The following INTS14 variants were observed in gnomAD, a reference collection of about 807,000 sequenced individuals.
INTS14 encodes the protein UPF0464 protein C15orf44.
INTS14 carries 27 observed loss-of-function variants against 56.9 expected under a neutral mutation model. The ratio of observed to expected loss-of-function variants is 0.47; its 90% CI spans 0.35 to 0.65. The LOEUF (loss-of-function observed/expected upper bound fraction) is 0.65, where lower values mean the gene tolerates loss of function less well. Among genes scored for constraint, INTS14 ranks in the 30% least tolerant of loss-of-function variants. INTS14 has a pLI of 0.00. For missense variants in INTS14, 517 were observed against 632.2 expected (o/e 0.82, Z 1.95); for synonymous variants, 207 against 236.2 (o/e 0.88, Z 1.13).
rs112520344 is a variant in INTS14, at chr15:65,592,255, T to A, written c.987-524A>T. Among the ~76,000 whole-genome samples the A allele has an allele frequency of 7.5e-4, 114 of 152,354 alleles. 3 individuals carry two copies. The East Asian group carries it at 0.02, about 27-fold the overall frequency. ...TATAGCAGACTAATATCTAGTAAGATCTGCATTCCTCTTTTTGGACCAGCT... is the reference window on the plus strand; with the variant it reads ...TATAGCAGACTAATATCTAGTAAGAACTGCATTCCTCTTTTTGGACCAGCT... On this transcript the variant is annotated intron_variant, in intron 8 of 11. Transcript: ENST00000313182.
chr15:65,585,323 C>T (rs571728691), intron 9 of INTS14, among the ~76,000 whole-genome samples: 1 of 152,158 alleles, frequency 6.6e-6, no homozygotes, highest in African/African-American at 2.4e-5. Context: ...AACTACTAAG[C>T]ACTTGCCCTG....
Position 65,579,337 on chromosome 15 carries a change from T to TG in INTS14, c.*70_*71insC. 1 of 1,562,726 alleles carries TG rather than the reference T, an allele frequency of 6.4e-7. No homozygotes were observed. The highest frequency in any genetic ancestry group is 8.7e-7 in the Non-Finnish European group (1 of 1,151,578). ...TGGGTGGCTATTCTAGAGGTGAACA[T>TG]ACTGGAAAGGTTTTTACCTAAAGCA... On this transcript the variant is annotated 3_prime_UTR_variant, in exon 12 of 12. Coordinates refer to ENST00000313182, the MANE Select transcript of INTS14 (RefSeq NM_001394796.1).
chr15:65,581,004 C>A (rs2141242462), intron 11 of INTS14, among the ~76,000 whole-genome samples: 1 of 152,318 alleles, frequency 6.6e-6, no homozygotes, highest in Non-Finnish European at 1.5e-5. Context: ...CGCTTGTAAT[C>A]CCAGCACTTT....
At chr15:65,586,142 C>G (rs923627175) in intron 9 of INTS14, among the ~76,000 whole-genome samples, 1 of 152,130 alleles carries the variant, frequency 6.6e-6, no homozygotes, top group Non-Finnish European at 1.5e-5. Context: ...AAGCACTGTG[C>G]CAGGAATTGT....
At chr15:65,584,741 G>T in intron 10 of INTS14, 29 bp downstream of exon 10, 2 of 1,599,654 alleles carry the variant, frequency 1.3e-6, no homozygotes, top group South Asian at 1.1e-5. Context: ...CCTGTCCCCA[G>T]TGGAAAGCAA....
At chr15:65,605,069 C>T (rs930180902) in intron 3 of INTS14, 60 bp downstream of exon 3, 15 of 1,264,710 alleles carry the variant, frequency 1.2e-5, no homozygotes, top group African/African-American at 2.9e-5. Context: ...TGAAGAAAAT[C>T]GAAGCACCTC....
chr15:65,585,985 G>T (rs1015350411), intron 9 of INTS14, among the ~76,000 whole-genome samples: 1 of 152,116 alleles, frequency 6.6e-6, no homozygotes, highest in African/African-American at 2.4e-5. Context: ...CTAAGGTCCT[G>T]CAAGTCCTTT....
intron 1 of INTS14, 62 bp downstream of exon 1, chr15:65,611,036 C>T: frequency 6.5e-7 from 1 of 1,535,140 alleles, no homozygotes; most frequent in Non-Finnish European, 8.7e-7. Context: ...CCCATAACCC[C>T]TTCACCTGTA....
chr15:65,588,543 C>T (rs1215407122), intron 9 of INTS14, among the ~76,000 whole-genome samples: 1 of 151,846 alleles, frequency 6.6e-6, no homozygotes, highest in Non-Finnish European at 1.5e-5. Context: ...TGGCTTGTGC[C>T]TGTAGTCACA....
chr15:65,606,400 GCTT>G (rs1386608523), intron 2 of INTS14, among the ~76,000 whole-genome samples: 14 of 151,698 alleles, frequency 9.2e-5, no homozygotes, highest in Admixed American at 3.3e-4. Context: ...TTCCACAAAT[GCTT>G]CTTCTTTTTT....
chr15:65,603,976 A>G (rs1596265436), intron 3 of INTS14, among the ~76,000 whole-genome samples: 1 of 152,346 alleles, frequency 6.6e-6, no homozygotes, highest in South Asian at 2.1e-4. Context: ...CTACTTTTCA[A>G]AAGTATCTGT....
Position 65,579,473 on chromosome 15 carries a change from C to T in INTS14, c.1492G>A (p.Ala498Thr), listed in dbSNP as rs141034504. The change falls in exon 12 of 12, where the codon GCT becomes ACT. Residue 498 changes from alanine (A) to threonine (T), a missense_variant. By Grantham distance (58) the Ala-to-Thr change is moderately conservative (BLOSUM62 0). Coordinates refer to ENST00000313182, the MANE Select transcript of INTS14 (RefSeq NM_001394796.1). The stretch of plus-strand genomic sequence containing the variant: ...AAAGGTGTGATGTTCTGGTCATAAG[C>T]GGCATACTCAGAGGTGCCGGTACTG... Reference protein sequence around the residue: ...LASTGTSEYAAYDQNITPLHT... With the variant: ...LASTGTSEYATYDQNITPLHT... The T allele has an allele frequency of 1.1e-4, 177 of 1,614,220 alleles. No homozygotes were observed. In the African/African-American group the frequency reaches 1.2e-3, roughly 11 times the overall value.
chr15:65,596,032 T>C (rs1253156132), intron 6 of INTS14, among the ~76,000 whole-genome samples: 1 of 152,160 alleles, frequency 6.6e-6, no homozygotes, highest in Non-Finnish European at 1.5e-5. Flanking sequence ...ATTTAATGAG[T>C]CTAAGTTATA....
At chr15:65,610,813 A>G in intron 1 of INTS14, 2 of 1,535,214 alleles carry the variant, frequency 1.3e-6, no homozygotes, top group South Asian at 2.4e-5. Flanking sequence ...ATCAGTCAAG[A>G]AAATGTGGGA....
intron 11 of INTS14, among the ~76,000 whole-genome samples, chr15:65,581,559 A>G (rs1165943450): frequency 2.7e-5 from 4 of 149,670 alleles, no homozygotes; most frequent in Non-Finnish European, 5.9e-5. Flanking sequence ...AAAAAAAAAA[A>G]AAAAAAAAAA....
At chr15:65,581,887 C>G in intron 11 of INTS14, 67 bp downstream of exon 11, 1 of 1,517,956 alleles carries the variant, frequency 6.6e-7, no homozygotes, top group Non-Finnish European at 9.1e-7. Context: ...CATATTCACA[C>G]TGCCATCTCA....
intron 9 of INTS14, among the ~76,000 whole-genome samples, chr15:65,585,323 C>A (rs571728691): frequency 6.6e-6 from 1 of 152,276 alleles, no homozygotes; most frequent in Non-Finnish European, 1.5e-5. Flanking sequence ...AACTACTAAG[C>A]ACTTGCCCTG....
chr15:65,599,755 A>G lies in INTS14; in HGVS notation c.486+19T>C. On this transcript the variant is annotated intron_variant, in intron 4 of 11. Coordinates refer to ENST00000313182, the MANE Select transcript of INTS14 (RefSeq NM_001394796.1). ...TAAAATATGCCTAATCAAACTAAAA[A>G]CTTAGCAAAAGGTATTACCTCCTCC... is the stretch of plus-strand genomic sequence containing the variant. 6.2e-7 allele frequency: 1 copy of G among 1,610,588 alleles called. No homozygotes were observed. Among genetic ancestry groups the G allele is most frequent in the Non-Finnish European group, 8.5e-7 (1 of 1,178,072 alleles).
intron 9 of INTS14, among the ~76,000 whole-genome samples, chr15:65,585,494 G>C (rs913040632): frequency 1.3e-5 from 2 of 152,156 alleles, no homozygotes; most frequent in African/African-American, 4.8e-5. Flanking sequence ...GGCAAGACAA[G>C]AAATACTTTT....
Sources: gnomAD v4.1 joint callset for allele counts (sites outside exome capture counted in the v4.1 genomes callset) on GRCh38, gnomAD v4.1.1 for gene constraint, MANE v1.5 for transcripts, NCBI Gene and HGNC (gene_info 2026-07-23, HGNC 2026-07-21) for gene names.